Variants in HSCB observed in about 807,000 individuals in gnomAD.
HSCB encodes HscB mitochondrial iron-sulfur cluster cochaperone, also known as iron-sulfur cluster co-chaperone protein HscB.
In HSCB, 23 loss-of-function variants were observed where a neutral mutation model predicts 31.3. That is an observed-to-expected ratio of 0.74 (90% CI 0.53 to 1.04). The LOEUF is 1.04. Among genes scored for constraint, HSCB ranks in the 50% least tolerant of loss-of-function variants. HSCB has a pLI of 0.00. For missense variants in HSCB, 297 were observed against 288.1 expected (o/e 1.03, Z -0.22); for synonymous variants, 110 against 104.5 (o/e 1.05, Z -0.32).
rs758451182 is a variant in HSCB at position 28,750,945 on chromosome 22, C to CTTTTTTTTTTTTTTTTTTTTTTTTTTT, written c.569-272_569-271insTTTTTTTTTTTTTTTTTTTTTTTTTTT. 5.8e-4 allele frequency among the ~76,000 whole-genome samples: 33 copies of CTTTTTTTTTTTTTTTTTTTTTTTTTTT among 56,458 alleles called. 4 individuals are homozygous for CTTTTTTTTTTTTTTTTTTTTTTTTTTT. The highest frequency in any genetic ancestry group is 2.2e-3 in the South Asian group (2 of 904). The allele number at this position is 56,458 out of a possible 152,430, so 37.0% of individuals were successfully genotyped here. A position where few individuals can be genotyped will look rare whatever the true frequency, so the allele number is the denominator to read the frequency against. On this transcript the variant is annotated intron_variant, in intron 4 of 5. Coordinates refer to ENST00000216027, the MANE Select transcript of HSCB (RefSeq NM_172002.5). ...GGAGATAATCAAAGTATATCTTTGT[C>CTTTTTTTTTTTTTTTTTTTTTTTTTTT]TTTTTTTTTTTTTTTTTTTTTTTTA...
intron 4 of HSCB, among the ~76,000 whole-genome samples, chr22:28,748,890 A>G (rs932453389): frequency 6.6e-6 from 1 of 152,164 alleles, no homozygotes; most frequent in African/African-American, 2.4e-5. Context: ...CTGTAATCCA[A>G]GCACTTTGGG....
intron 5 of HSCB, among the ~76,000 whole-genome samples, chr22:28,753,208 T>G (rs2030376860): frequency 6.6e-6 from 1 of 152,172 alleles, no homozygotes; most frequent in South Asian, 2.1e-4. Flanking sequence ...TAAATTGATC[T>G]AACAAAGTGT....
In HSCB at chr22:28,746,169, T is replaced by A. The variant is rs147585460; in HGVS notation, c.568+161T>A. Among the ~76,000 whole-genome samples the A allele has an allele frequency of 7.7e-3, 1,162 of 151,824 alleles. 15 individuals carry two copies. Among genetic ancestry groups the A allele is most frequent in the African/African-American group, 0.027 (1,122 of 41,362 alleles). ...GCCAAGGCAAGTGGATCACCTGAGG[T>A]CAGGAGTTCAAGATCAGCCTGGCCA... On this transcript the variant is annotated intron_variant, in intron 4 of 5. Coordinates refer to ENST00000216027, the MANE Select transcript of HSCB (RefSeq NM_172002.5).
At chr22:28,756,466 C>T (rs1219580006) in intron 5 of HSCB, among the ~76,000 whole-genome samples, 1 of 133,608 alleles carries the variant, frequency 7.5e-6, no homozygotes, top group Non-Finnish European at 1.6e-5. Context: ...AACCACCCAC[C>T]CTTTTTTTTT....
chr22:28,751,363 C>A, intron 5 of HSCB, 75 bp downstream of exon 5: 1 of 828,246 alleles, frequency 1.2e-6, no homozygotes, highest in Non-Finnish European at 2.0e-6. Flanking sequence ...CATTCAATAA[C>A]TAGCTATTAT....
At position 28,743,878 on chromosome 22, in the gene HSCB, C is replaced by A. The variant is rs534703643; in HGVS notation, c.237-4C>A. On this transcript the variant is annotated splice_polypyrimidine_tract_variant and splice_region_variant and intron_variant, in intron 1 of 5. Coordinates refer to ENST00000216027, the MANE Select transcript of HSCB (RefSeq NM_172002.5). Reference sequence around the variant, plus strand: ...ATAAATTTAATCTCCCAATTTCCTTCCAGCAACCGTTCCTTCAGAGTTGAT... The same window carrying A: ...ATAAATTTAATCTCCCAATTTCCTTACAGCAACCGTTCCTTCAGAGTTGAT... 14 of 1,612,822 alleles carry A rather than the reference C, an allele frequency of 8.7e-6. No homozygotes were observed. The East Asian group carries it at 8.9e-5, about 10-fold the overall frequency.
intron 1 of HSCB, among the ~76,000 whole-genome samples, chr22:28,742,899 T>C (rs1264553612): frequency 6.6e-6 from 1 of 151,514 alleles, no homozygotes; most frequent in African/African-American, 2.4e-5. Context: ...GAGACTGAGG[T>C]TCTTGGAGAG....
chr22:28,744,682 C>G lies in HSCB; in HGVS notation c.401C>G (p.Pro134Arg). Residue 134 changes from proline (P) to arginine (R), a missense_variant, in exon 3 of 6, where the codon CCC becomes CGC. Pro to Arg is a moderately radical substitution (Grantham distance 103, BLOSUM62 -2). Transcript: ENST00000216027. ...VNDAYKTLLA[P>R]LSRGLYLLKL... ...GATGCCTATAAGACCCTCCTGGCCC[C>G]CCTGAGCAGAGGACTGTACCTTGTA... 1 of 1,613,798 alleles carries G rather than the reference C, an allele frequency of 6.2e-7. No homozygotes were observed. The highest frequency in any genetic ancestry group is 8.5e-7 in the Non-Finnish European group (1 of 1,179,678).
Position 28,743,524 on chromosome 22 carries a change from C to A in HSCB, c.237-358C>A, listed in dbSNP as rs147952139. Among the ~76,000 whole-genome samples the A allele has an allele frequency of 7.6e-3, 1,163 of 152,268 alleles. 16 individuals are homozygous for A. The highest frequency in any genetic ancestry group is 0.027 in the African/African-American group (1,123 of 41,544). On this transcript the variant is annotated intron_variant, in intron 1 of 5. Coordinates refer to ENST00000216027, the MANE Select transcript of HSCB (RefSeq NM_172002.5). ...CTTTTCCTTAACTATGGGATCTTCC[C>A]CACCAGTCACTGAACATGTATGAGG...
chr22:28,744,468 C>T (rs1401886354), intron 2 of HSCB, 147 bp from the exon 3 acceptor site: 1 of 627,138 alleles, frequency 1.6e-6, no homozygotes, highest in Non-Finnish European at 2.9e-6. Flanking sequence ...AGGAGGATCA[C>T]TTGAACGTGG....
At position 28,742,064 on chromosome 22, in the gene HSCB, G is replaced by A. The variant is rs758221223; in HGVS notation, c.-32G>A. On this transcript the variant is annotated 5_prime_UTR_variant, in exon 1 of 6. Transcript: ENST00000216027. ...AGACGCTCTCTTTGCTTTTCCCCAC[G>A]AGTGACCACGGCTAGATAGGCCGCC... is the stretch of plus-strand genomic sequence containing the variant. 3 of 1,583,410 alleles carry A rather than the reference G, an allele frequency of 1.9e-6. No individual in the cohort carries two copies. Among genetic ancestry groups the A allele is most frequent in the African/African-American group, 2.7e-5 (2 of 74,470 alleles).
chr22:28,755,136 C>T (rs905062084), intron 5 of HSCB, among the ~76,000 whole-genome samples: 4 of 140,806 alleles, frequency 2.8e-5, no homozygotes, highest in African/African-American at 1.0e-4. Flanking sequence ...ATAGGCCGGG[C>T]GCGGTGGCTC....
At chr22:28,745,829 C>G in intron 3 of HSCB, 35 bp from the exon 4 acceptor site, 1 of 1,573,160 alleles carries the variant, frequency 6.4e-7, no homozygotes. Context: ...CCCATAGCTT[C>G]TTCAACTTAT....
At chr22:28,747,085 T>C (rs1184218770) in intron 4 of HSCB, among the ~76,000 whole-genome samples, 4 of 151,686 alleles carry the variant, frequency 2.6e-5, no homozygotes, top group East Asian at 1.9e-4. Flanking sequence ...ACAAAATCTA[T>C]AGGGGTAGAT....
intron 5 of HSCB, among the ~76,000 whole-genome samples, chr22:28,752,126 A>G (rs1266783551): frequency 2.0e-5 from 3 of 150,672 alleles, no homozygotes; most frequent in Non-Finnish European, 4.4e-5. Context: ...GGAGGAATGA[A>G]GCTATTCTCA....
intron 5 of HSCB, among the ~76,000 whole-genome samples, chr22:28,752,915 C>T (rs1406758504): frequency 6.6e-6 from 1 of 151,184 alleles, no homozygotes; most frequent in Admixed American, 6.6e-5. Flanking sequence ...CCCGTCTCTA[C>T]TAAAAATACA....
chr22:28,750,623 G>T (rs1256819711), intron 4 of HSCB, among the ~76,000 whole-genome samples: 1 of 152,142 alleles, frequency 6.6e-6, no homozygotes, highest in Admixed American at 6.6e-5. Context: ...GTATTTGACA[G>T]TGCTTCGAAA....
rs771230337 is a variant in HSCB at position 28,757,207 on chromosome 22, C to T, written c.*38C>T. 55 of 1,145,694 alleles carry T rather than the reference C, an allele frequency of 4.8e-5. No individual in the cohort carries two copies. Among genetic ancestry groups the T allele is most frequent in the Middle Eastern group, 5.8e-4 (2 of 3,474 alleles). The allele number at this position is 1,145,694 out of a possible 1,614,324, so 71.0% of individuals were successfully genotyped here. On this transcript the variant is annotated 3_prime_UTR_variant, in exon 6 of 6. Coordinates refer to ENST00000216027, the MANE Select transcript of HSCB (RefSeq NM_172002.5). ...TAAAGTTTAAAAAATAAAGTTCTTG[C>T]TGGGCACAGTGGCTCACACCTGTAA...
At chr22:28,756,988 C>G in intron 5 of HSCB, 90 bp from the exon 6 acceptor site, 4 of 769,826 alleles carry the variant, frequency 5.2e-6, no homozygotes, top group Non-Finnish European at 9.4e-6. Context: ...GACCCCAGGG[C>G]TCCACTTATA....
Sources: gnomAD v4.1 joint callset for allele counts (sites outside exome capture counted in the v4.1 genomes callset) on GRCh38, gnomAD v4.1.1 for gene constraint, MANE v1.5 for transcripts, NCBI Gene and HGNC (gene_info 2026-07-23, HGNC 2026-07-21) for gene names.